The following TAFA1 variants were observed in gnomAD, a reference collection of about 807,000 sequenced individuals.
The protein encoded by TAFA1 is TAFA chemokine like family member 1.
In TAFA1, 4 loss-of-function variants were observed where a neutral mutation model predicts 18.5. That is an observed-to-expected ratio of 0.22 (90% CI 0.11 to 0.49). The LOEUF (loss-of-function observed/expected upper bound fraction) is 0.49, where lower values mean the gene tolerates loss of function less well. TAFA1 is among the 20% of genes least tolerant of loss of function. The probability of loss-of-function intolerance (pLI) is 0.98; values close to 1 mark genes in which losing one functional copy is unlikely to be tolerated. For synonymous variants in TAFA1, 56 were observed against 55.2 expected (o/e 1.01, Z -0.06); for missense variants, 147 against 169.0 (o/e 0.87, Z 0.72).
chr3:68,378,218 C>T (rs1464260712), intron 2 of TAFA1, among the ~76,000 whole-genome samples: 1 of 152,196 alleles, frequency 6.6e-6, no homozygotes, highest in Non-Finnish European at 1.5e-5. Flanking sequence ...AAGCTGCAGG[C>T]ACTCAATGCT....
At chr3:68,195,276 T>G (rs1232186810) in intron 2 of TAFA1, among the ~76,000 whole-genome samples, 4 of 149,994 alleles carry the variant, frequency 2.7e-5, no homozygotes, top group Non-Finnish European at 5.9e-5. Context: ...GATAAGTCTG[T>G]GCCCCAGGAA....
intron 2 of TAFA1, among the ~76,000 whole-genome samples, chr3:68,050,804 C>G (rs916102707): frequency 2.6e-5 from 4 of 152,106 alleles, no homozygotes; most frequent in Non-Finnish European, 4.4e-5. Flanking sequence ...CTCAACTTAG[C>G]TTTTTAGTGT....
intron 2 of TAFA1, among the ~76,000 whole-genome samples, chr3:68,366,500 T>C (rs528439346): frequency 6.6e-6 from 1 of 152,330 alleles, no homozygotes. Context: ...TTCTTAAGCA[T>C]ATATGTCTGC....
chr3:68,336,017 C>T (rs1034203814), intron 2 of TAFA1, among the ~76,000 whole-genome samples: 5 of 152,286 alleles, frequency 3.3e-5, no homozygotes, highest in African/African-American at 7.2e-5. Context: ...AAGAAAGAGG[C>T]GAGCCTTGGA....
chr3:68,449,415 C>A (rs76054684), intron 3 of TAFA1, among the ~76,000 whole-genome samples: 1 of 151,948 alleles, frequency 6.6e-6, no homozygotes, highest in Non-Finnish European at 1.5e-5. Context: ...AGAATGTAGG[C>A]GGTATTTTAC....
rs2065166568 is a variant in TAFA1, at chr3:68,103,121, T to A, written c.118+96377T>A. Among the ~76,000 whole-genome samples the A allele has an allele frequency of 2.6e-5, 4 of 152,226 alleles. No homozygotes were observed. In the South Asian group the frequency reaches 8.3e-4, roughly 32 times the overall value. On this transcript the variant is annotated intron_variant, in intron 2 of 4. Coordinates refer to ENST00000478136, the MANE Select transcript of TAFA1 (RefSeq NM_213609.4). ...AAGGGCTCTGGTGTCCAAAGTCATG[T>A]GTTCTGTTCCCTGCAGTGCAGGCTG...
chr3:68,205,185 G>T (rs1255467867), intron 2 of TAFA1, among the ~76,000 whole-genome samples: 1 of 151,824 alleles, frequency 6.6e-6, no homozygotes, highest in Non-Finnish European at 1.5e-5. Flanking sequence ...CACCTTTCCA[G>T]AGATGATTTA....
chr3:68,043,930 A>G (rs574646581), intron 2 of TAFA1, among the ~76,000 whole-genome samples: 1 of 152,322 alleles, frequency 6.6e-6, no homozygotes, highest in South Asian at 2.1e-4. Flanking sequence ...GTAAAAAATA[A>G]AAAGAAAGAA....
chr3:68,262,329 A>ATG (rs2067446566), intron 2 of TAFA1, among the ~76,000 whole-genome samples: 1 of 76,978 alleles, frequency 1.3e-5, no homozygotes, highest in African/African-American at 4.9e-5. Flanking sequence ...ATATATATAT[A>ATG]TATATATATA....
At chr3:68,080,277 T>C (rs576687521) in intron 2 of TAFA1, among the ~76,000 whole-genome samples, 63 of 152,336 alleles carry the variant, frequency 4.1e-4, no homozygotes, top group Admixed American at 9.1e-4. Context: ...AATTTTCCAG[T>C]CTGTGTCTTT....
chr3:68,113,600 A>C (rs2065285907), intron 2 of TAFA1, among the ~76,000 whole-genome samples: 1 of 152,244 alleles, frequency 6.6e-6, no homozygotes, highest in Non-Finnish European at 1.5e-5. Flanking sequence ...CATAACGAAA[A>C]TAGAAAGGTT....
intron 2 of TAFA1, among the ~76,000 whole-genome samples, chr3:68,019,489 A>G (rs1055048236): frequency 2.0e-5 from 3 of 152,306 alleles, no homozygotes; most frequent in Admixed American, 2.0e-4. Context: ...TCACACTGGA[A>G]AAGAATGCTC....
chr3:68,017,302 A>C (rs1364259203), intron 2 of TAFA1, among the ~76,000 whole-genome samples: 1 of 152,198 alleles, frequency 6.6e-6, no homozygotes, highest in Non-Finnish European at 1.5e-5. Context: ...TCACTGGGTG[A>C]ACATTTGTAG....
chr3:68,057,065 C>T (rs779978999), intron 2 of TAFA1, among the ~76,000 whole-genome samples: 2 of 152,136 alleles, frequency 1.3e-5, no homozygotes, highest in Non-Finnish European at 2.9e-5. Flanking sequence ...CTCTAACACA[C>T]GTTTTAGGTT....
chr3:68,136,294 A>C, intron 2 of TAFA1, among the ~76,000 whole-genome samples: 1 of 152,304 alleles, frequency 6.6e-6, no homozygotes, highest in East Asian at 1.9e-4. Flanking sequence ...AAAGGCTTTC[A>C]ACAAAGCATT....
chr3:68,383,221 T>C (rs1412082664), intron 2 of TAFA1, among the ~76,000 whole-genome samples: 1 of 152,046 alleles, frequency 6.6e-6, no homozygotes, highest in East Asian at 1.9e-4. Flanking sequence ...TCCAACACTA[T>C]GTTGAATAGG....
chr3:68,537,879 A>G (rs1349096830), intron 3 of TAFA1, among the ~76,000 whole-genome samples: 1 of 152,200 alleles, frequency 6.6e-6, no homozygotes, highest in Non-Finnish European at 1.5e-5. Flanking sequence ...AGACCATGAT[A>G]TTGCAGTAAA....
At chr3:68,277,625 C>T (rs934690658) in intron 2 of TAFA1, among the ~76,000 whole-genome samples, 3 of 152,094 alleles carry the variant, frequency 2.0e-5, no homozygotes, top group Admixed American at 6.6e-5. Context: ...CCCCAAGATG[C>T]AAAAGATAGA....
chr3:68,070,748 A>G (rs1228870705), intron 2 of TAFA1, among the ~76,000 whole-genome samples: 1 of 152,184 alleles, frequency 6.6e-6, no homozygotes, highest in Non-Finnish European at 1.5e-5. Context: ...TCCTCCAGAT[A>G]ACCTAAATCA....
Sources: allele counts gnomAD v4.1 joint callset (sites outside exome capture counted in the v4.1 genomes callset), GRCh38; gene constraint gnomAD v4.1.1; transcripts MANE v1.5; gene names NCBI Gene and HGNC (gene_info 2026-07-23, HGNC 2026-07-21).